Variants in PARD3B observed in about 807,000 individuals in gnomAD.
The protein encoded by PARD3B is partitioning defective 3 homolog B.
Under a neutral mutation model 130.2 loss-of-function variants are expected in PARD3B, and 103 were observed. The ratio of observed to expected loss-of-function variants is 0.79; its 90% confidence interval spans 0.67 to 0.93. PARD3B has a LOEUF of 0.93. Ranked by LOEUF, PARD3B falls within the 40% of genes least tolerant of loss-of-function variation. The pLI, the probability that PARD3B is intolerant of heterozygous loss-of-function variation, is 0.00. For synonymous variants in PARD3B, 583 were observed against 553.2 expected, an observed-to-expected ratio of 1.05 and a Z score of -0.76; for missense variants, 1,609 against 1,499.2, an observed-to-expected ratio of 1.07 and a Z score of -1.21.
At chr2:205,457,891 T>C (rs766130438) in intron 20 of PARD3B, among the ~76,000 whole-genome samples, 21 of 152,144 alleles carry the variant, frequency 1.4e-4, no homozygotes, top group Non-Finnish European at 2.5e-4. Context: ...AATGAAATGC[T>C]CATTGGAGCA....
intron 3 of PARD3B, among the ~76,000 whole-genome samples, chr2:204,966,866 A>AAT: frequency 1.3e-5 from 2 of 152,346 alleles, no homozygotes; most frequent in Admixed American, 1.3e-4. Context: ...CCTTACTCAT[A>AAT]ATAACTCATT....
At chr2:204,999,846 A>G (rs1694676700) in intron 3 of PARD3B, among the ~76,000 whole-genome samples, 1 of 152,198 alleles carries the variant, frequency 6.6e-6, no homozygotes, top group Non-Finnish European at 1.5e-5. Flanking sequence ...TGATAAGGAA[A>G]ATGTTTGGCA....
chr2:204,696,571 C>A (rs1236895813), intron 2 of PARD3B, among the ~76,000 whole-genome samples: 1 of 152,026 alleles, frequency 6.6e-6, no homozygotes, highest in African/African-American at 2.4e-5. Flanking sequence ...GTACCTGTTC[C>A]AAATTCTATA....
intron 2 of PARD3B, among the ~76,000 whole-genome samples, chr2:204,725,679 T>A (rs2039192369): frequency 6.6e-6 from 1 of 152,168 alleles, no homozygotes; most frequent in African/African-American, 2.4e-5. Context: ...GTTTGAGGCT[T>A]TGGAATATGT....
At chr2:205,136,484 G>A (rs189610597) in intron 10 of PARD3B, among the ~76,000 whole-genome samples, 36 of 152,256 alleles carry the variant, frequency 2.4e-4, no homozygotes, top group African/African-American at 4.8e-4. Context: ...CTATGCATTC[G>A]TCCCATAAAT....
At chr2:204,648,679 ATAAT>A (rs1219981535) in intron 1 of PARD3B, among the ~76,000 whole-genome samples, 4 of 102,854 alleles carry the variant, frequency 3.9e-5, no homozygotes, top group Non-Finnish European at 7.2e-5. Context: ...TATCATATAA[ATAAT>A]ATATATTTAT....
intron 21 of PARD3B, among the ~76,000 whole-genome samples, chr2:205,507,157 C>T (rs1335984802): frequency 7.2e-6 from 1 of 138,038 alleles, no homozygotes; most frequent in African/African-American, 2.7e-5. Flanking sequence ...GATCACGTGT[C>T]CACTTCTGAA....
At chr2:205,041,510 G>C (rs555457983) in intron 3 of PARD3B, among the ~76,000 whole-genome samples, 1 of 152,130 alleles carries the variant, frequency 6.6e-6, no homozygotes, top group East Asian at 1.9e-4. Flanking sequence ...ATTTCTGCCT[G>C]TGACTGCTGA....
At chr2:205,155,009 A>G (rs921512612) in intron 10 of PARD3B, among the ~76,000 whole-genome samples, 7 of 152,066 alleles carry the variant, frequency 4.6e-5, no homozygotes, top group South Asian at 4.2e-4. Flanking sequence ...AAACCTGCAC[A>G]TTGTGCACAT....
rs921522629 is a variant in PARD3B, at chr2:204,822,602, C to T, written c.222+136320C>T. 3.3e-5 allele frequency among the ~76,000 whole-genome samples: 5 copies of T among 152,114 alleles called. No individual in the cohort carries two copies. In the East Asian group the frequency reaches 9.7e-4, roughly 29 times the overall value. On this transcript the variant is annotated intron_variant, in intron 2 of 22. Transcript: ENST00000406610. ...ATTGTTGTGTAATTTCTCTTAGGTACCTGTGCAGCACAGGTAATTTGGAAT... is the reference window on the plus strand; with the variant it reads ...ATTGTTGTGTAATTTCTCTTAGGTATCTGTGCAGCACAGGTAATTTGGAAT...
intron 2 of PARD3B, among the ~76,000 whole-genome samples, chr2:204,709,914 T>C (rs75930877): frequency 0.025 from 3,790 of 152,278 alleles, 65 homozygotes; most frequent in Non-Finnish European, 0.041. Flanking sequence ...GAAATAATGG[T>C]TAGTGCATTT....
intron 21 of PARD3B, among the ~76,000 whole-genome samples, chr2:205,539,766 T>C (rs1029304519): frequency 3.3e-5 from 5 of 152,108 alleles, no homozygotes; most frequent in Non-Finnish European, 7.4e-5. Context: ...CCCAGGTCAT[T>C]GCACAGAGCA....
intron 1 of PARD3B, among the ~76,000 whole-genome samples, chr2:204,653,412 C>CAG (rs1469836292): frequency 6.6e-6 from 1 of 151,014 alleles, no homozygotes; most frequent in South Asian, 2.1e-4. Context: ...AAACACCTGT[C>CAG]AGAGCACTGT....
chr2:204,635,237 C>T (rs1323971121), intron 1 of PARD3B, among the ~76,000 whole-genome samples: 2 of 152,088 alleles, frequency 1.3e-5, no homozygotes, highest in African/African-American at 2.4e-5. Context: ...TACTTTTCCT[C>T]CCCCGGACGA....
At chr2:205,181,456 A>G (rs1483309800) in intron 13 of PARD3B, among the ~76,000 whole-genome samples, 1 of 152,218 alleles carries the variant, frequency 6.6e-6, no homozygotes, top group African/African-American at 2.4e-5. Flanking sequence ...GAGTCAAAAA[A>G]CTTTGTCCTT....
chr2:204,616,734 T>C (rs13017644), intron 1 of PARD3B, among the ~76,000 whole-genome samples: 97,873 of 152,092 alleles, frequency 0.64, 34,321 homozygotes, highest in Non-Finnish European at 0.78. Context: ...CCTCAGTAGG[T>C]GAGAGACTGA....
chr2:205,291,590 A>T lies in PARD3B; in HGVS notation c.2186-8940A>T, dbSNP rs1020452636. The stretch of plus-strand genomic sequence containing the variant: ...GTAAGCAAATTTCTCTGATTTCTCT[A>T]AAATCCAGATAGCGTATTTAATTAA... On this transcript the variant is annotated intron_variant, in intron 16 of 22. Transcript: ENST00000406610. The surrounding 1 kb of genome is among the most constrained non-coding windows in gnomAD (Gnocchi z 4.6). Among the ~76,000 whole-genome samples, 1 of 152,238 alleles carries T rather than the reference A, an allele frequency of 6.6e-6. No homozygotes were observed. Among genetic ancestry groups the T allele is most frequent in the Non-Finnish European group, 1.5e-5 (1 of 68,046 alleles).
intron 4 of PARD3B, among the ~76,000 whole-genome samples, chr2:205,075,683 CAA>C (rs55720496): frequency 0.55 from 76,703 of 139,778 alleles, 20,912 homozygotes; most frequent in Admixed American, 0.65. Flanking sequence ...GCCATTCTAA[CAA>C]AAAAAAAAAA....
chr2:204,559,577 T>C (rs2031167706), intron 1 of PARD3B, among the ~76,000 whole-genome samples: 1 of 152,190 alleles, frequency 6.6e-6, no homozygotes, highest in Non-Finnish European at 1.5e-5. Flanking sequence ...GGAATGCTAT[T>C]ATGCTGTTGG....
Sources: gnomAD v4.1 joint callset for allele counts (sites outside exome capture counted in the v4.1 genomes callset) on GRCh38, gnomAD v4.1.1 for gene constraint, Gnocchi (gnomAD v3.1) non-coding constraint, MANE v1.5 for transcripts, NCBI Gene and HGNC (gene_info 2026-07-23, HGNC 2026-07-21) for gene names.